The following DLG2 variants were observed in gnomAD, a reference collection of about 807,000 sequenced individuals.
DLG2 encodes the protein discs large MAGUK scaffold protein 2.
A neutral mutation model predicts 132.5 loss-of-function variants in DLG2; 45 were observed. That is an observed-to-expected ratio of 0.34 (90% confidence interval 0.27 to 0.44). DLG2 has a LOEUF of 0.44. Ranked by LOEUF, DLG2 falls within the 20% of genes least tolerant of loss-of-function variation. The pLI, the probability that DLG2 is intolerant of heterozygous loss-of-function variation, is 1.00. For synonymous variants in DLG2, 424 were observed against 419.6 expected (o/e 1.01, Z -0.13); for missense variants, 1,045 against 1,196.9 (o/e 0.87, Z 1.87).
Position 85,516,865 on chromosome 11 carries a change from G to C in DLG2, c.40+81792C>G, listed in dbSNP as rs546535380. ...AAGTACAAAAAAAGAAACAGTATCA[G>C]TCCTACTGAAACTGTTCCAAAAAAT... On this transcript the variant is annotated intron_variant, in intron 3 of 27. Coordinates refer to ENST00000376104, the MANE Select transcript of DLG2 (RefSeq NM_001142699.3). 6.6e-5 allele frequency among the ~76,000 whole-genome samples: 10 copies of C among 152,012 alleles called. No individual in the cohort carries two copies. In the East Asian group the frequency reaches 1.2e-3, roughly 18 times the overall value.
At chr11:84,847,342 T>C (rs2081603628) in intron 6 of DLG2, among the ~76,000 whole-genome samples, 1 of 152,128 alleles carries the variant, frequency 6.6e-6, no homozygotes, top group Non-Finnish European at 1.5e-5. Context: ...TCTCTTGCAT[T>C]AACATGAAAA....
In DLG2 at chr11:84,826,900, A is replaced by G. The variant is rs192052874; in HGVS notation, c.357+284761T>C. Among the ~76,000 whole-genome samples, 444 of 151,964 alleles carry G rather than the reference A, an allele frequency of 2.9e-3. 1 individual carries two copies. The highest frequency in any genetic ancestry group is 4.6e-3 in the Non-Finnish European group (309 of 67,864). ...AATCTTTCAATATTTCTCCTTGTCT[A>G]TATGGTAAAGTCTAAGCCTGGATGT... On this transcript the variant is annotated intron_variant, in intron 6 of 27. Coordinates refer to ENST00000376104, the MANE Select transcript of DLG2 (RefSeq NM_001142699.3).
chr11:84,945,639 T>C (rs551801878), intron 6 of DLG2, among the ~76,000 whole-genome samples: 39 of 152,278 alleles, frequency 2.6e-4, no homozygotes, highest in African/African-American at 9.4e-4. Context: ...TATGGCCTTT[T>C]CTTTAGGGCA....
At chr11:84,273,306 GAAAAAAAAAAAA>G in intron 7 of DLG2, 1 of 787,140 alleles carries the variant, frequency 1.3e-6, no homozygotes, top group Non-Finnish European at 1.5e-6. Context: ...AGTTGAAGAG[GAAAAAAAAAAAA>G]AAAAAAAAAA....
chr11:83,679,056 G>A (rs2078271579), intron 18 of DLG2, among the ~76,000 whole-genome samples: 1 of 152,152 alleles, frequency 6.6e-6, no homozygotes, highest in Non-Finnish European at 1.5e-5. Flanking sequence ...GAAGAGCTGG[G>A]CAAACTCTAT....
At chr11:84,736,486 A>C (rs1381122056) in intron 6 of DLG2, among the ~76,000 whole-genome samples, 1 of 151,976 alleles carries the variant, frequency 6.6e-6, no homozygotes, top group Non-Finnish European at 1.5e-5. Context: ...GAGAATGAAC[A>C]TCTTAATGAT....
At chr11:85,268,344 C>G (rs1469741644) in intron 4 of DLG2, among the ~76,000 whole-genome samples, 1 of 152,174 alleles carries the variant, frequency 6.6e-6, no homozygotes, top group Non-Finnish European at 1.5e-5. Flanking sequence ...TATCTGTGAC[C>G]TGGAAGTCCC....
At chr11:84,934,535 T>G (rs1259089233) in intron 6 of DLG2, among the ~76,000 whole-genome samples, 34 of 137,644 alleles carry the variant, frequency 2.5e-4, no homozygotes, top group African/African-American at 8.1e-4. Flanking sequence ...GTTTTTTTTT[T>G]TTTTTTTTTT....
intron 18 of DLG2, among the ~76,000 whole-genome samples, chr11:83,716,116 T>A (rs1200217799): frequency 1.3e-5 from 2 of 152,208 alleles, no homozygotes; most frequent in Non-Finnish European, 1.5e-5. Context: ...TCAATAAAGA[T>A]CTGCTTAGTA....
At chr11:85,455,331 T>C (rs1467230628) in intron 3 of DLG2, among the ~76,000 whole-genome samples, 2 of 152,172 alleles carry the variant, frequency 1.3e-5, no homozygotes, top group African/African-American at 4.8e-5. Context: ...ACTTAGATGT[T>C]GTTTGTATAT....
chr11:83,548,404 TAAG>T (rs1379298670), intron 19 of DLG2, among the ~76,000 whole-genome samples: 1 of 152,138 alleles, frequency 6.6e-6, no homozygotes, highest in Non-Finnish European at 1.5e-5. Flanking sequence ...GTGCCATTGC[TAAG>T]ATTTGAAAAT....
chr11:85,352,980 G>C (rs989754360), intron 3 of DLG2, among the ~76,000 whole-genome samples: 146 of 152,202 alleles, frequency 9.6e-4, no homozygotes, highest in South Asian at 1.7e-3. Context: ...AGCCAAAATT[G>C]ACAAATGGGA....
intron 19 of DLG2, among the ~76,000 whole-genome samples, chr11:83,558,689 C>T: frequency 6.6e-6 from 1 of 152,180 alleles, no homozygotes; most frequent in East Asian, 1.9e-4. Context: ...CACTGTATCT[C>T]TACCTCTGGA....
chr11:83,950,895 T>C (rs2085244859), intron 14 of DLG2, among the ~76,000 whole-genome samples: 2 of 152,166 alleles, frequency 1.3e-5, no homozygotes, highest in African/African-American at 4.8e-5. Flanking sequence ...ACCTCTATTA[T>C]ATTTTTGGGT....
chr11:84,335,100 T>A (rs1302681356), intron 7 of DLG2, among the ~76,000 whole-genome samples: 1 of 147,936 alleles, frequency 6.8e-6, no homozygotes, highest in Non-Finnish European at 1.5e-5. Flanking sequence ...ATCCTTATAT[T>A]TTAATTAAAG....
At chr11:84,067,733 C>T (rs1430635683) in intron 10 of DLG2, among the ~76,000 whole-genome samples, 1 of 152,172 alleles carries the variant, frequency 6.6e-6, no homozygotes, top group Non-Finnish European at 1.5e-5. Flanking sequence ...AGTTAAGGTT[C>T]TCCCTTGTTG....
At chr11:83,886,745 T>C (rs974169962) in intron 15 of DLG2, among the ~76,000 whole-genome samples, 4 of 152,108 alleles carry the variant, frequency 2.6e-5, no homozygotes, top group African/African-American at 9.7e-5. Flanking sequence ...TATAACAAAC[T>C]GTCTCTCAGA....
At chr11:84,724,562 C>CT (rs1323661730) in intron 6 of DLG2, among the ~76,000 whole-genome samples, 1 of 152,076 alleles carries the variant, frequency 6.6e-6, no homozygotes, top group African/African-American at 2.4e-5. Context: ...CAATTCAGGA[C>CT]TTTTTTCTGC....
intron 6 of DLG2, among the ~76,000 whole-genome samples, chr11:84,891,805 T>C (rs2089440357): frequency 6.6e-6 from 1 of 152,164 alleles, no homozygotes; most frequent in Non-Finnish European, 1.5e-5. Context: ...GTGCCAGATA[T>C]GTGAACAGCC....
Sources: gnomAD v4.1 joint callset for allele counts (sites outside exome capture counted in the v4.1 genomes callset) on GRCh38, gnomAD v4.1.1 for gene constraint, MANE v1.5 for transcripts, NCBI Gene and HGNC (gene_info 2026-07-23, HGNC 2026-07-21) for gene names.